WWOX: variants seen among roughly 807,000 people sequenced by gnomAD.
WWOX encodes the protein WW domain containing oxidoreductase.
WWOX carries 69 observed loss-of-function variants against 46.2 expected under a neutral mutation model. That is an observed-to-expected ratio of 1.49 (90% CI 1.23 to 1.82). The LOEUF (loss-of-function observed/expected upper bound fraction) is 1.82. WWOX is among the 40% of genes most tolerant of loss of function. The pLI, the probability that WWOX is intolerant of heterozygous loss-of-function variation, is 0.00. For synonymous variants in WWOX, 359 were observed against 202.6 expected, an observed-to-expected ratio of 1.77 and a Z score of -6.56; for missense variants, 919 against 542.6, an observed-to-expected ratio of 1.69 and a Z score of -6.89.
At chr16:78,366,172 C>G (rs959968967) in intron 5 of WWOX, among the ~76,000 whole-genome samples, 1 of 152,122 alleles carries the variant, frequency 6.6e-6, no homozygotes, top group Non-Finnish European at 1.5e-5. Flanking sequence ...CTAGAGATGC[C>G]AAAATGCATT....
At chr16:79,022,344 C>CAAAAA (rs10654627) in intron 8 of WWOX, among the ~76,000 whole-genome samples, 8 of 71,208 alleles carry the variant, frequency 1.1e-4, no homozygotes, top group South Asian at 5.7e-4. Flanking sequence ...CAATCTGTGG[C>CAAAAA]AAAAAAAAAA....
chr16:78,802,877 T>C (rs974511530), intron 8 of WWOX, among the ~76,000 whole-genome samples: 5 of 128,966 alleles, frequency 3.9e-5, no homozygotes, highest in East Asian at 2.3e-4. Context: ...GATGATGCCA[T>C]TGCACTCCAG....
chr16:78,771,780 TAAATAAATAAATA>T (rs1029441347), intron 8 of WWOX, among the ~76,000 whole-genome samples: 9 of 117,032 alleles, frequency 7.7e-5, no homozygotes, highest in Non-Finnish European at 5.7e-5. Context: ...TCACAATAAA[TAAATAAATAAATA>T]AATAAATAAA....
intron 8 of WWOX, chr16:78,503,687 C>A (rs1038170784): frequency 2.0e-5 from 3 of 152,118 alleles, no homozygotes; most frequent in African/African-American, 4.8e-5. Flanking sequence ...GATTTCACCA[C>A]CAGGGGGCAT....
At chr16:78,888,290 G>A (rs2044510795) in intron 8 of WWOX, among the ~76,000 whole-genome samples, 1 of 152,196 alleles carries the variant, frequency 6.6e-6, no homozygotes, top group Admixed American at 6.5e-5. Context: ...TTGGGCTAGT[G>A]TGATTACAGT....
At chr16:78,937,448 C>CTTTTTTTTTTTTTTTT (rs537642648) in intron 8 of WWOX, among the ~76,000 whole-genome samples, 3 of 81,988 alleles carry the variant, frequency 3.7e-5, no homozygotes, top group African/African-American at 1.6e-4. Flanking sequence ...TTTGTATTAA[C>CTTTTTTTTTTTTTTTT]TTTTTTTTTT....
intron 8 of WWOX, among the ~76,000 whole-genome samples, chr16:79,141,882 C>T (rs2050096627): frequency 6.6e-6 from 1 of 151,578 alleles, no homozygotes; most frequent in Non-Finnish European, 1.5e-5. Flanking sequence ...ATTAGCCCGT[C>T]TAACAGGGCG....
intron 8 of WWOX, chr16:79,017,360 G>A (rs1371640490): frequency 6.8e-6 from 1 of 147,118 alleles, no homozygotes; most frequent in Non-Finnish European, 1.5e-5. Context: ...AACCCGGGAG[G>A]CGGAGCTTGC....
intron 8 of WWOX, among the ~76,000 whole-genome samples, chr16:78,964,461 G>C (rs1297359991): frequency 6.6e-6 from 1 of 152,202 alleles, no homozygotes. Context: ...TTGAACTTGA[G>C]AAAGATGATT....
At chr16:78,750,050 G>T (rs2049439643) in intron 8 of WWOX, among the ~76,000 whole-genome samples, 1 of 152,126 alleles carries the variant, frequency 6.6e-6, no homozygotes, top group African/African-American at 2.4e-5. Context: ...AAAAATAGGA[G>T]AAATAAAATA....
intron 8 of WWOX, among the ~76,000 whole-genome samples, chr16:78,948,551 GACAGCTCTGCTTC>G (rs1434337009): frequency 6.6e-5 from 10 of 152,098 alleles, no homozygotes; most frequent in African/African-American, 2.4e-4. Flanking sequence ...AGGTGCCCAT[GACAGCTCTGCTTC>G]ATGCCTGCTG....
At chr16:78,625,097 C>G (rs1335960326) in intron 8 of WWOX, among the ~76,000 whole-genome samples, 1 of 152,196 alleles carries the variant, frequency 6.6e-6, no homozygotes, top group Non-Finnish European at 1.5e-5. Flanking sequence ...AGGTCCCAAG[C>G]TGTCTGAAGT....
intron 5 of WWOX, among the ~76,000 whole-genome samples, chr16:78,271,020 T>A (rs1049008551): frequency 1.3e-5 from 2 of 152,226 alleles, no homozygotes; most frequent in Admixed American, 1.3e-4. Context: ...AATATGTTGT[T>A]TAATTTGGGG....
At chr16:78,177,509 C>T (rs375132182) in intron 5 of WWOX, among the ~76,000 whole-genome samples, 3 of 152,106 alleles carry the variant, frequency 2.0e-5, no homozygotes, top group African/African-American at 7.2e-5. Flanking sequence ...TGTGAACAGC[C>T]CCCATGGCAA....
intron 8 of WWOX, among the ~76,000 whole-genome samples, chr16:78,458,809 G>A (rs905848122): frequency 6.6e-6 from 1 of 152,052 alleles, no homozygotes; most frequent in Non-Finnish European, 1.5e-5. Flanking sequence ...TTATCTGTGT[G>A]TGTTGGGGGT....
intron 8 of WWOX, among the ~76,000 whole-genome samples, chr16:78,727,060 C>T (rs919356854): frequency 1.3e-5 from 2 of 152,136 alleles, no homozygotes; most frequent in Non-Finnish European, 2.9e-5. Context: ...ATCGCCAGTC[C>T]CAGTGCCCTT....
chr16:79,098,568 G>A (rs981649871), intron 8 of WWOX, among the ~76,000 whole-genome samples: 4 of 152,216 alleles, frequency 2.6e-5, no homozygotes, highest in Non-Finnish European at 4.4e-5. Flanking sequence ...GTGTTCCTGT[G>A]TGTTGAGCAA....
intron 8 of WWOX, among the ~76,000 whole-genome samples, chr16:79,021,775 T>G (rs2047538543): frequency 6.6e-6 from 1 of 152,152 alleles, no homozygotes; most frequent in Non-Finnish European, 1.5e-5. Flanking sequence ...ACCCCCTCTT[T>G]CTAGGGTTCC....
chr16:78,448,110 C>G (rs1376485404), intron 8 of WWOX, among the ~76,000 whole-genome samples: 4 of 152,114 alleles, frequency 2.6e-5, no homozygotes, highest in Admixed American at 2.6e-4. Flanking sequence ...GGCCTAGAAA[C>G]TATTATTAAT....
Sources: gnomAD v4.1 joint callset for allele counts (sites outside exome capture counted in the v4.1 genomes callset) on GRCh38, gnomAD v4.1.1 for gene constraint, MANE v1.5 for transcripts, NCBI Gene and HGNC (gene_info 2026-07-23, HGNC 2026-07-21) for gene names.